Variants in MDFIC2 observed in about 807,000 individuals in gnomAD.
The protein encoded by MDFIC2 is myoD family inhibitor domain-containing protein 2.
intron 2 of MDFIC2, among the ~76,000 whole-genome samples, chr3:70,299,707 C>T (rs1357837644): frequency 6.6e-6 from 1 of 152,128 alleles, no homozygotes; most frequent in African/African-American, 2.4e-5. Context: ...TGGTTTCAGT[C>T]TCTACCCTTC....
chr3:70,237,773 T>G (rs1701624440), intron 2 of MDFIC2, among the ~76,000 whole-genome samples: 1 of 152,218 alleles, frequency 6.6e-6, no homozygotes, highest in Non-Finnish European at 1.5e-5. Flanking sequence ...TGTTATGATT[T>G]GTATGCCGGT....
chr3:70,237,602 G>T (rs1043311609), intron 2 of MDFIC2, among the ~76,000 whole-genome samples: 1 of 152,100 alleles, frequency 6.6e-6, no homozygotes, highest in Non-Finnish European at 1.5e-5. Flanking sequence ...TACTCCCACA[G>T]AGCTAAACCT....
chr3:70,261,312 C>T (rs1046701557), intron 2 of MDFIC2, among the ~76,000 whole-genome samples: 6 of 152,162 alleles, frequency 3.9e-5, no homozygotes, highest in Admixed American at 2.6e-4. Context: ...TTATTGCTCT[C>T]TTGGCTTGTC....
intron 2 of MDFIC2, among the ~76,000 whole-genome samples, chr3:70,247,124 T>C (rs1259276853): frequency 2.6e-5 from 4 of 152,088 alleles, no homozygotes; most frequent in African/African-American, 9.6e-5. Flanking sequence ...TTCATGTTGC[T>C]TGAATGAATT....
chr3:70,195,302 A>T lies in MDFIC2; in HGVS notation c.*1624T>A, dbSNP rs1701165261. Among the ~76,000 whole-genome samples, 1 of 152,156 alleles carries T rather than the reference A, an allele frequency of 6.6e-6. No homozygotes were observed. Among genetic ancestry groups the T allele is most frequent in the South Asian group, 2.1e-4 (1 of 4,832 alleles). On this transcript the variant is annotated 3_prime_UTR_variant, in exon 4 of 4. Transcript: ENST00000567252. ...TTCTGAAAAGCAGAAAGACTTTTTCATGGAAGGTGTGGGGCACTTTCATGC... is the reference window on the plus strand; with the variant it reads ...TTCTGAAAAGCAGAAAGACTTTTTCTTGGAAGGTGTGGGGCACTTTCATGC...
At chr3:70,256,540 CTT>C (rs1701818095) in intron 2 of MDFIC2, among the ~76,000 whole-genome samples, 1 of 152,116 alleles carries the variant, frequency 6.6e-6, no homozygotes, top group African/African-American at 2.4e-5. Context: ...ACCCTAGTGA[CTT>C]TAAAGAAATT....
chr3:70,223,409 T>C (rs1487062776), intron 2 of MDFIC2, among the ~76,000 whole-genome samples: 1 of 152,178 alleles, frequency 6.6e-6, no homozygotes, highest in South Asian at 2.1e-4. Context: ...TAAACACTCA[T>C]ATCCAGTATT....
chr3:70,210,112 G>T (rs1000895221), intron 2 of MDFIC2, among the ~76,000 whole-genome samples: 2 of 152,084 alleles, frequency 1.3e-5, no homozygotes, highest in South Asian at 2.1e-4. Flanking sequence ...TTGGATAGAG[G>T]TTACTGGAAT....
At chr3:70,267,583 T>TG (rs1559549285) in intron 2 of MDFIC2, among the ~76,000 whole-genome samples, 8 of 146,686 alleles carry the variant, frequency 5.5e-5, no homozygotes, top group Non-Finnish European at 1.1e-4. Context: ...TTTGTATTTT[T>TG]TTTTTTTTTT....
At chr3:70,199,498 A>G (rs1300963568) in intron 3 of MDFIC2, among the ~76,000 whole-genome samples, 2 of 152,056 alleles carry the variant, frequency 1.3e-5, no homozygotes, top group Non-Finnish European at 2.9e-5. Flanking sequence ...AGTCCTTTTT[A>G]TTTGGTTTTA....
intron 2 of MDFIC2, among the ~76,000 whole-genome samples, chr3:70,253,999 G>A (rs1701792421): frequency 1.3e-5 from 2 of 152,016 alleles, no homozygotes; most frequent in Admixed American, 6.6e-5. Context: ...TCAAAAAAAG[G>A]GTTAACAAAT....
At chr3:70,232,121 C>T (rs146003763) in intron 2 of MDFIC2, among the ~76,000 whole-genome samples, 118 of 152,284 alleles carry the variant, frequency 7.7e-4, no homozygotes, top group African/African-American at 2.6e-3. Flanking sequence ...GTGACACTGG[C>T]AGCGAGATGT....
chr3:70,299,559 T>C (rs906876493), intron 2 of MDFIC2, among the ~76,000 whole-genome samples: 6 of 152,128 alleles, frequency 3.9e-5, no homozygotes, highest in African/African-American at 1.2e-4. Context: ...TAATATCCAG[T>C]CCATGGCCAA....
chr3:70,265,369 T>A (rs993322308), intron 2 of MDFIC2, among the ~76,000 whole-genome samples: 1 of 152,164 alleles, frequency 6.6e-6, no homozygotes, highest in Non-Finnish European at 1.5e-5. Flanking sequence ...AGGAAAGGCA[T>A]CAATTTTGGA....
chr3:70,246,575 A>T (rs1269533272), intron 2 of MDFIC2, among the ~76,000 whole-genome samples: 1 of 152,136 alleles, frequency 6.6e-6, no homozygotes, highest in African/African-American at 2.4e-5. Context: ...ATCAGTTGTT[A>T]GTATAAGGAT....
chr3:70,277,907 C>G (rs1037491709), intron 2 of MDFIC2, among the ~76,000 whole-genome samples: 6 of 152,100 alleles, frequency 3.9e-5, no homozygotes, highest in Admixed American at 6.6e-5. Flanking sequence ...ATGATTGAGA[C>G]CCTACTGGCC....
chr3:70,280,250 T>C (rs2106680866), intron 2 of MDFIC2, among the ~76,000 whole-genome samples: 1 of 152,268 alleles, frequency 6.6e-6, no homozygotes, highest in South Asian at 2.1e-4. Flanking sequence ...AAAAGATGTT[T>C]GTGATTAAAT....
At chr3:70,278,131 C>G (rs769555865) in intron 2 of MDFIC2, among the ~76,000 whole-genome samples, 5 of 152,190 alleles carry the variant, frequency 3.3e-5, no homozygotes, top group Non-Finnish European at 7.3e-5. Context: ...TTGCCCCCAA[C>G]TTCTTCTATT....
intron 2 of MDFIC2, among the ~76,000 whole-genome samples, chr3:70,239,642 T>C (rs2106640467): frequency 6.6e-6 from 1 of 152,318 alleles, no homozygotes; most frequent in South Asian, 2.1e-4. Context: ...TAGACCTCAG[T>C]TTCCTCTTTG....
Sources: gnomAD v4.1 joint callset for allele counts (sites outside exome capture counted in the v4.1 genomes callset) on GRCh38, gnomAD v4.1.1 for gene constraint, MANE v1.5 for transcripts, NCBI Gene and HGNC (gene_info 2026-07-23, HGNC 2026-07-21) for gene names.